DENND5B: variants seen among roughly 807,000 people sequenced by gnomAD.
The protein encoded by DENND5B is DENN domain containing 5B.
In DENND5B, 34 loss-of-function variants were observed where a neutral mutation model predicts 140.6. The ratio of observed to expected loss-of-function variants is 0.24; its 90% CI spans 0.18 to 0.32. The LOEUF is 0.32. Ranked by LOEUF, DENND5B falls within the 10% of genes least tolerant of loss-of-function variation. The pLI, the probability that DENND5B is intolerant of heterozygous loss-of-function variation, is 1.00. For missense variants in DENND5B, 1,142 were observed against 1,560.2 expected, an observed-to-expected ratio of 0.73 and a Z score of 4.52; for synonymous variants, 551 against 562.1, an observed-to-expected ratio of 0.98 and a Z score of 0.28.
At chr12:31,393,440 T>C (rs928648446) in intron 17 of DENND5B, among the ~76,000 whole-genome samples, 1 of 152,212 alleles carries the variant, frequency 6.6e-6, no homozygotes, top group Non-Finnish European at 1.5e-5. Context: ...TCTAGGCCAC[T>C]TTCCTGAGGG....
chr12:31,585,561 T>C (rs370654875), intron 1 of DENND5B, among the ~76,000 whole-genome samples: 1 of 152,228 alleles, frequency 6.6e-6, no homozygotes, highest in Admixed American at 6.5e-5. Flanking sequence ...CTATGGAGCA[T>C]AGTGGACTGG....
chr12:31,413,592 G>A (rs1942578614), intron 12 of DENND5B, 28 bp from the exon 13 acceptor site: 1 of 1,600,430 alleles, frequency 6.2e-7, no homozygotes, highest in Non-Finnish European at 8.5e-7. Flanking sequence ...CAGCAAAGAT[G>A]TAGATTTTAA....
chr12:31,419,454 A>G (rs982773819), intron 11 of DENND5B, among the ~76,000 whole-genome samples: 1 of 152,150 alleles, frequency 6.6e-6, no homozygotes, highest in African/African-American at 2.4e-5. Context: ...CTCCAAAAAA[A>G]AAAAAAGAAT....
intron 1 of DENND5B, among the ~76,000 whole-genome samples, chr12:31,566,472 A>G (rs919337942): frequency 7.2e-5 from 11 of 152,100 alleles, no homozygotes; most frequent in Non-Finnish European, 7.4e-5. Flanking sequence ...ATATTCTACG[A>G]TAAAACATGT....
At position 31,398,320 on chromosome 12, in the gene DENND5B, C is replaced by T. The variant is rs1307508876; in HGVS notation, c.3111G>A (p.Gly1037=). 1 of 1,553,142 alleles carries T rather than the reference C, an allele frequency of 6.4e-7. No individual in the cohort carries two copies. The highest frequency in any genetic ancestry group is 1.4e-5 in the African/African-American group (1 of 73,076). The part of the protein sequence containing the change: ...GRWLGKGIDD[G]SLERILIGEL... ...CTCCAATAAGAATTCTCTCCAGGCT[C>T]CCATCATCAATGCCTTTCCCCAGCC... Residue 1037 remains glycine (G), a synonymous_variant, in exon 17 of 21, where the codon GGG becomes GGA. Coordinates refer to ENST00000389082, the MANE Select transcript of DENND5B (RefSeq NM_144973.4).
At chr12:31,498,850 G>T (rs1946887954) in intron 1 of DENND5B, among the ~76,000 whole-genome samples, 1 of 151,518 alleles carries the variant, frequency 6.6e-6, no homozygotes, top group Non-Finnish European at 1.5e-5. Flanking sequence ...GCATGCACGT[G>T]TAATCCCAGC....
At chr12:31,449,991 A>G (rs866812017) in intron 5 of DENND5B, among the ~76,000 whole-genome samples, 1 of 152,158 alleles carries the variant, frequency 6.6e-6, no homozygotes, top group East Asian at 1.9e-4. Context: ...TCAGCCTCCC[A>G]AAGTGTTGGG....
At chr12:31,583,554 T>TG (rs1950283385) in intron 1 of DENND5B, among the ~76,000 whole-genome samples, 1 of 152,060 alleles carries the variant, frequency 6.6e-6, no homozygotes, top group Non-Finnish European at 1.5e-5. Flanking sequence ...GGCACGCACC[T>TG]GTAGTCCCAG....
intron 1 of DENND5B, among the ~76,000 whole-genome samples, chr12:31,567,479 A>G (rs1949670913): frequency 6.8e-6 from 1 of 146,660 alleles, no homozygotes; most frequent in African/African-American, 2.5e-5. Flanking sequence ...GTGAGCCAAG[A>G]TCGTGCCACT....
intron 1 of DENND5B, among the ~76,000 whole-genome samples, chr12:31,523,999 C>T (rs1389493978): frequency 1.3e-5 from 2 of 149,772 alleles, no homozygotes; most frequent in Admixed American, 6.6e-5. Context: ...TCTGTAATAG[C>T]TCAGTGGGCC....
intron 1 of DENND5B, among the ~76,000 whole-genome samples, chr12:31,528,216 TA>T (rs776695636): frequency 1.3e-5 from 2 of 152,240 alleles, no homozygotes; most frequent in Non-Finnish European, 2.9e-5. Flanking sequence ...CCAGACGGTC[TA>T]GGGGAAAATT....
intron 1 of DENND5B, among the ~76,000 whole-genome samples, chr12:31,551,305 T>C (rs997842153): frequency 3.9e-5 from 6 of 152,202 alleles, no homozygotes; most frequent in African/African-American, 1.4e-4. Flanking sequence ...CCCAGCACCA[T>C]TTATTAAATA....
intron 17 of DENND5B, among the ~76,000 whole-genome samples, chr12:31,395,734 T>C (rs1312442588): frequency 6.6e-6 from 1 of 152,184 alleles, no homozygotes; most frequent in Non-Finnish European, 1.5e-5. Flanking sequence ...ATTAGGTACC[T>C]TTGTTATTCT....
intron 1 of DENND5B, among the ~76,000 whole-genome samples, chr12:31,521,103 CTT>C (rs1178531393): frequency 8.6e-5 from 12 of 139,516 alleles, no homozygotes; most frequent in African/African-American, 5.3e-5. Context: ...TAAAGTTGGT[CTT>C]TTTTTTTTTT....
intron 1 of DENND5B, among the ~76,000 whole-genome samples, chr12:31,577,234 C>CA (rs1439983520): frequency 1.3e-5 from 2 of 151,898 alleles, no homozygotes; most frequent in African/African-American, 4.8e-5. Context: ...AAATAAATGA[C>CA]AGAGTATGTT....
chr12:31,480,978 C>A (rs1295233877), intron 2 of DENND5B, among the ~76,000 whole-genome samples: 1 of 152,002 alleles, frequency 6.6e-6, no homozygotes, highest in East Asian at 1.9e-4. Flanking sequence ...GCTAAAGATG[C>A]TATATTTAAG....
intron 17 of DENND5B, chr12:31,396,249 T>C (rs1481568213): frequency 6.6e-6 from 1 of 151,926 alleles, no homozygotes; most frequent in African/African-American, 2.4e-5. Flanking sequence ...TTTGTATTTT[T>C]AGTAGAGACG....
At chr12:31,434,800 C>T (rs1349282721) in intron 7 of DENND5B, among the ~76,000 whole-genome samples, 1 of 152,080 alleles carries the variant, frequency 6.6e-6, no homozygotes, top group Non-Finnish European at 1.5e-5. Flanking sequence ...CTCCACTCAG[C>T]TTTAGACGCA....
At chr12:31,465,684 C>A (rs1945234239) in intron 3 of DENND5B, 1 of 152,162 alleles carries the variant, frequency 6.6e-6, no homozygotes, top group Non-Finnish European at 1.5e-5. Context: ...TGAGCATTAT[C>A]TGAATTATGT....
Sources: gnomAD v4.1 joint callset for allele counts (sites outside exome capture counted in the v4.1 genomes callset) on GRCh38, gnomAD v4.1.1 for gene constraint, MANE v1.5 for transcripts, NCBI Gene and HGNC (gene_info 2026-07-23, HGNC 2026-07-21) for gene names.